The following ANK3 variants were observed in gnomAD, a reference collection of about 807,000 sequenced individuals.
ANK3 encodes the protein ankyrin 3.
In ANK3, 57 loss-of-function variants were observed where a neutral mutation model predicts 370.9. The observed-to-expected ratio is 0.15, with a 90% CI of 0.12 to 0.19. ANK3 has a LOEUF of 0.19. Among genes scored for constraint, ANK3 ranks in the 10% least tolerant of loss-of-function variants. The probability of loss-of-function intolerance (pLI) is 1.00; values close to 1 mark genes in which losing one functional copy is unlikely to be tolerated. For missense variants in ANK3, 4,439 were observed against 5,302.1 expected (o/e 0.84, Z 5.06); for synonymous variants, 1,929 against 1,946.3 (o/e 0.99, Z 0.23).
chr10:60,403,649 G>C (rs1007502869), intron 2 of ANK3, among the ~76,000 whole-genome samples: 4 of 152,090 alleles, frequency 2.6e-5, no homozygotes, highest in African/African-American at 9.7e-5. Flanking sequence ...GTGCAGCGGC[G>C]CGATCTCGGC....
upstream of ANK3, among the ~76,000 whole-genome samples, chr10:60,394,715 C>G (rs938273319): frequency 2.0e-5 from 3 of 152,120 alleles, no homozygotes; most frequent in African/African-American, 7.2e-5. Context: ...ACTGGTAGTG[C>G]CTGGCAGAGT....
intron 7 of ANK3, 124 bp downstream of exon 7, chr10:60,261,735 T>C: frequency 1.4e-6 from 1 of 739,094 alleles, no homozygotes; most frequent in Non-Finnish European, 2.3e-6. Flanking sequence ...TGAGTAGAAA[T>C]CATAGCCTTC....
chr10:60,330,699 A>T (rs1369233206), intron 1 of ANK3, among the ~76,000 whole-genome samples: 1 of 152,190 alleles, frequency 6.6e-6, no homozygotes, highest in African/African-American at 2.4e-5. Context: ...ATTGTGGCAG[A>T]CAGTGTGGCG....
At chr10:60,545,825 T>C (rs146047924) in intron 2 of ANK3, among the ~76,000 whole-genome samples, 3 of 152,338 alleles carry the variant, frequency 2.0e-5, no homozygotes, top group Non-Finnish European at 4.4e-5. Flanking sequence ...ACTAAAATTA[T>C]ATAATTGTCA....
Position 60,069,113 on chromosome 10 carries a change from A to G in ANK3, c.11768T>C (p.Ile3923Thr). 1 of 1,614,082 alleles carries G rather than the reference A, an allele frequency of 6.2e-7. No individual in the cohort carries two copies. Among genetic ancestry groups the G allele is most frequent in the Non-Finnish European group, 8.5e-7 (1 of 1,179,998 alleles). ...IPVKNTHRDN[I>T]IAVRKACATQ... is the part of the protein sequence containing the mutation. ...GGCACATGCTTTTCTAACTGCAATT[A>G]TGTTATCCCTGTGTGTGTTTTTCAC... is the stretch of plus-strand genomic sequence containing the variant. The change falls in exon 37 of 44, where the codon ATA (isoleucine) becomes ACA (threonine). Residue 3923 changes from isoleucine to threonine, a missense_variant. By Grantham distance (89) the Ile-to-Thr change is moderately conservative. Coordinates refer to ENST00000280772, the MANE Select transcript of ANK3 (RefSeq NM_020987.5).
At chr10:60,482,386 G>A (rs564397674) in intron 2 of ANK3, among the ~76,000 whole-genome samples, 3 of 152,122 alleles carry the variant, frequency 2.0e-5, no homozygotes, top group Non-Finnish European at 4.4e-5. Flanking sequence ...GATATTGCCA[G>A]TTTCTCCTTC....
intron 23 of ANK3, among the ~76,000 whole-genome samples, chr10:60,159,970 G>A (rs545346663): frequency 6.6e-6 from 1 of 151,808 alleles, no homozygotes; most frequent in African/African-American, 2.4e-5. Context: ...AAAAAAGCAG[G>A]GAAACTTTGA....
intron 2 of ANK3, among the ~76,000 whole-genome samples, chr10:60,446,997 C>T (rs984094521): frequency 2.6e-5 from 4 of 152,092 alleles, no homozygotes; most frequent in African/African-American, 9.7e-5. Flanking sequence ...AAATACAGAC[C>T]TTCATGGGTT....
At chr10:60,385,713 T>A (rs541555141) in intron 1 of ANK3, among the ~76,000 whole-genome samples, 90 of 152,222 alleles carry the variant, frequency 5.9e-4, no homozygotes, top group Non-Finnish European at 9.9e-4. Flanking sequence ...GTCAGGCGCA[T>A]GTATAGAGAG....
In ANK3 at chr10:60,541,220, T is replaced by TGA. The variant is rs1295235784; in HGVS notation, c.96+73965_96+73966insTC. 5.3e-5 allele frequency among the ~76,000 whole-genome samples: 8 copies of TGA among 152,092 alleles called. No homozygotes were observed. In the East Asian group the frequency reaches 1.5e-3, roughly 29 times the overall value. ...TAATGAAAATATGCAGAGAAAAGTC[T>TGA]GTATGACTCTCCTCAAAACTCTTCA... On this transcript the variant is annotated intron_variant, in intron 2 of 43. Coordinates refer to the ANK3 transcript ENST00000373827.
intron 42 of ANK3, among the ~76,000 whole-genome samples, chr10:60,045,009 T>C (rs1392850465): frequency 6.6e-6 from 1 of 152,164 alleles, no homozygotes; most frequent in Non-Finnish European, 1.5e-5. Flanking sequence ...ATAAAATCAA[T>C]ACCAAGGGAA....
chr10:60,419,094 T>C (rs1346363559), intron 2 of ANK3, among the ~76,000 whole-genome samples: 2 of 152,210 alleles, frequency 1.3e-5, no homozygotes, highest in African/African-American at 2.4e-5. Flanking sequence ...AACCTCCTAC[T>C]GAATATAAAC....
chr10:60,186,160 T>G (rs981210666), intron 17 of ANK3, among the ~76,000 whole-genome samples: 4 of 152,182 alleles, frequency 2.6e-5, no homozygotes, highest in Non-Finnish European at 4.4e-5. Flanking sequence ...ATTTGCAGCT[T>G]CTTCTTTGCT....
intron 1 of ANK3, among the ~76,000 whole-genome samples, chr10:60,380,664 T>C (rs1402161329): frequency 3.9e-5 from 6 of 152,308 alleles, no homozygotes; most frequent in African/African-American, 1.4e-4. Flanking sequence ...TAAATTCTGC[T>C]TCATATACTT....
chr10:60,220,581 T>A (rs1483679308), intron 8 of ANK3, among the ~76,000 whole-genome samples: 1 of 152,212 alleles, frequency 6.6e-6, no homozygotes, highest in Non-Finnish European at 1.5e-5. Flanking sequence ...TTTGTATTGA[T>A]AATAACTCTT....
At chr10:60,344,308 C>T (rs1200478210) in intron 1 of ANK3, among the ~76,000 whole-genome samples, 1 of 152,162 alleles carries the variant, frequency 6.6e-6, no homozygotes, top group Non-Finnish European at 1.5e-5. Flanking sequence ...TTCCACATTT[C>T]TTGGATGCTA....
intron 7 of ANK3, among the ~76,000 whole-genome samples, chr10:60,255,488 G>C (rs952787547): frequency 6.6e-6 from 1 of 152,094 alleles, no homozygotes; most frequent in Non-Finnish European, 1.5e-5. Context: ...AACTTTCCAG[G>C]GGCTTAGATA....
chr10:60,408,759 C>A (rs1424061047), intron 2 of ANK3, among the ~76,000 whole-genome samples: 1 of 152,172 alleles, frequency 6.6e-6, no homozygotes, highest in East Asian at 1.9e-4. Flanking sequence ...ACAGAAAACG[C>A]TTCCGTCACT....
chr10:60,660,960 T>C (rs1173718800), intron 1 of ANK3, among the ~76,000 whole-genome samples: 3 of 151,078 alleles, frequency 2.0e-5, no homozygotes, highest in African/African-American at 7.3e-5. Flanking sequence ...ACATAACACA[T>C]AATGTACAAC....
Sources: allele counts gnomAD v4.1 joint callset (sites outside exome capture counted in the v4.1 genomes callset), GRCh38; gene constraint gnomAD v4.1.1; transcripts MANE v1.5; gene names NCBI Gene and HGNC (gene_info 2026-07-23, HGNC 2026-07-21).